TRANK1: variants seen among roughly 807,000 people sequenced by gnomAD.
TRANK1 encodes the protein TPR and ankyrin repeat-containing protein 1.
Under a neutral mutation model 266.0 loss-of-function variants are expected in TRANK1, and 198 were observed. The observed-to-expected ratio is 0.74, with a 90% CI of 0.66 to 0.84. The LOEUF (loss-of-function observed/expected upper bound fraction) is 0.84. Among genes scored for constraint, TRANK1 ranks in the 40% least tolerant of loss-of-function variants. The probability of loss-of-function intolerance (pLI) is 0.00; values close to 1 mark genes in which losing one functional copy is unlikely to be tolerated. For missense variants in TRANK1, 3,326 were observed against 3,634.6 expected, an observed-to-expected ratio of 0.92 and a Z score of 2.18; for synonymous variants, 1,396 against 1,384.1, an observed-to-expected ratio of 1.01 and a Z score of -0.19.
At chr3:36,942,482 CAAAAAAAAAA>C (rs565174922) in intron 1 of TRANK1, among the ~76,000 whole-genome samples, 2 of 79,946 alleles carry the variant, frequency 2.5e-5, no homozygotes, top group South Asian at 5.6e-4. Context: ...TCTTCTTCCT[CAAAAAAAAAA>C]AAAAAAAAAA....
chr3:36,874,434 C>T, intron 8 of TRANK1, 138 bp from the exon 9 acceptor site: 2 of 881,640 alleles, frequency 2.3e-6, no homozygotes, highest in South Asian at 1.9e-5. Context: ...GGAGCCTGCA[C>T]TGCTAGCCTC....
intron 17 of TRANK1, among the ~76,000 whole-genome samples, chr3:36,843,959 CA>C (rs1204640314): frequency 1.3e-5 from 2 of 152,088 alleles, no homozygotes; most frequent in African/African-American, 4.8e-5. Context: ...CATATTATCT[CA>C]AAATAGGGCC....
rs181021733 is a variant in TRANK1 at position 36,869,992 on chromosome 3, T to C, written c.1078+4134A>G. ...TCAGTAAAATCTTAGAAACAAAATG[T>C]ATGCATGTAACTCTATACAACTCTC... On this transcript the variant is annotated intron_variant, in intron 9 of 23. Transcript: ENST00000645898. 3.2e-3 allele frequency among the ~76,000 whole-genome samples: 488 copies of C among 152,348 alleles called. 1 individual carries two copies. The highest frequency in any genetic ancestry group is 0.011 in the African/African-American group (450 of 41,580).
chr3:36,834,742 G>C lies in TRANK1; in HGVS notation c.5663+20C>G. 1 of 1,604,154 alleles carries C rather than the reference G, an allele frequency of 6.2e-7. No homozygotes were observed. The highest frequency in any genetic ancestry group is 2.2e-5 in the East Asian group (1 of 44,532). On this transcript the variant is annotated intron_variant, in intron 21 of 23. Transcript: ENST00000645898. The stretch of plus-strand genomic sequence containing the variant: ...AGTGGGAGGAAGAGAGGGAGAAAGG[G>C]AGAGAATAAAACCACCTACTTTTCC...
At chr3:36,867,969 G>A (rs933294548) in intron 9 of TRANK1, among the ~76,000 whole-genome samples, 2 of 152,164 alleles carry the variant, frequency 1.3e-5, no homozygotes, top group South Asian at 2.1e-4. Context: ...AGATGTGTAC[G>A]ATAGGTGAAC....
In TRANK1 at chr3:36,879,872, A is replaced by G. The variant is rs1325274459; in HGVS notation, c.908-5576T>C. Among the ~76,000 whole-genome samples the G allele has an allele frequency of 3.9e-5, 4 of 103,818 alleles. 1 individual carries two copies. The East Asian group carries it at 1.4e-3, about 37-fold the overall frequency. The allele number at this position is 103,818 out of a possible 152,430, so 68.1% of individuals were successfully genotyped here. ...TGTAAATATACAAATATATGTAAAC[A>G]TACAAATATATGTAAACATGCAAAT... On this transcript the variant is annotated intron_variant, in intron 8 of 23. Coordinates refer to ENST00000645898, the MANE Select transcript of TRANK1 (RefSeq NM_001329998.2).
chr3:36,918,587 G>GA, intron 1 of TRANK1, among the ~76,000 whole-genome samples: 1 of 107,768 alleles, frequency 9.3e-6, no homozygotes, highest in African/African-American at 3.7e-5. Context: ...AGGAAGGAAG[G>GA]AAGGAAGGAA....
chr3:36,896,638 A>G (rs2079794420), intron 4 of TRANK1, among the ~76,000 whole-genome samples: 1 of 152,222 alleles, frequency 6.6e-6, no homozygotes, highest in South Asian at 2.1e-4. Flanking sequence ...GGCAGCCATC[A>G]AGAAGCAGTT....
intron 1 of TRANK1, among the ~76,000 whole-genome samples, chr3:36,940,055 T>C (rs1490011287): frequency 6.6e-6 from 1 of 151,908 alleles, no homozygotes; most frequent in Non-Finnish European, 1.5e-5. Context: ...CATGCCTGGC[T>C]AATTTTTTTA....
chr3:36,831,808 A>G lies in TRANK1; in HGVS notation c.7775T>C (p.Ile2592Thr). The G allele has an allele frequency of 6.2e-7, 1 of 1,613,876 alleles. No homozygotes were observed. Among genetic ancestry groups the G allele is most frequent in the South Asian group, 1.1e-5 (1 of 91,068 alleles). ...KPLLYRHFRE[I>T]ESRLQLMSMD... ...GCTCATGAGCTGCAGCCTTGACTCA[A>G]TCTCCCGGAAGTGGCGATACAGGAG... The change falls in exon 22 of 24, where the codon ATT (isoleucine) becomes ACT (threonine). Residue 2592 changes from isoleucine to threonine, a missense_variant. Physicochemically the swap from Ile to Thr is moderately conservative, Grantham distance 89. Transcript: ENST00000645898. The surrounding 1 kb of genome is among the most constrained non-coding windows in gnomAD (Gnocchi z 5.0).
intron 1 of TRANK1, among the ~76,000 whole-genome samples, chr3:36,930,086 C>T (rs996087687): frequency 6.6e-6 from 1 of 152,132 alleles, no homozygotes; most frequent in African/African-American, 2.4e-5. Context: ...CATGGTCAGG[C>T]TGGTCTCAAA....
intron 23 of TRANK1, 80 bp downstream of exon 23, chr3:36,829,484 C>A: frequency 6.9e-7 from 1 of 1,444,266 alleles, no homozygotes. Context: ...TGCCCCACTT[C>A]AGATTCCCCC....
rs1163075096 is a variant in TRANK1, at chr3:36,834,653, T to G, written c.5663+109A>C. On this transcript the variant is annotated intron_variant, in intron 21 of 23. Transcript: ENST00000645898. ...CATCGCTTAAGTGGAAAGGGAGCAA[T>G]GTGGTCAAACCATGTCAGAAGCAGC... 12 of 1,299,824 alleles carry G rather than the reference T, an allele frequency of 9.2e-6. No individual in the cohort carries two copies. In the East Asian group the frequency reaches 2.4e-4, roughly 26 times the overall value. 80.5% of individuals were successfully genotyped at this position (1,299,824 alleles called of 1,614,324 possible).
At chr3:36,921,180 G>A (rs2080208229) in intron 1 of TRANK1, among the ~76,000 whole-genome samples, 1 of 151,998 alleles carries the variant, frequency 6.6e-6, no homozygotes, top group Non-Finnish European at 1.5e-5. Context: ...CACCACTCTG[G>A]CTCATACTCC....
rs1282845918 is a variant in TRANK1, at chr3:36,832,177, C to T, written c.7406G>A (p.Arg2469His). ...QFIHCGVVLA[R>H]LWKNVILCLP... The stretch of plus-strand genomic sequence containing the variant: ...GCATAGAATGACATTCTTCCAGAGG[C>T]GGGCCAGCACCACCCCACAGTGGAT... Residue 2469 changes from arginine (R) to histidine (H), a missense_variant, in exon 22 of 24, where the codon CGC becomes CAC. By Grantham distance (29) the Arg-to-His change is conservative. Transcript: ENST00000645898. 8 of 1,613,812 alleles carry T rather than the reference C, an allele frequency of 5.0e-6. No homozygotes were observed. The highest frequency in any genetic ancestry group is 4.0e-5 in the African/African-American group (3 of 74,884).
intron 17 of TRANK1, among the ~76,000 whole-genome samples, chr3:36,844,749 G>A (rs1229295639): frequency 1.3e-5 from 2 of 151,940 alleles, no homozygotes; most frequent in African/African-American, 4.8e-5. Flanking sequence ...CATCACAATA[G>A]TCAAGTCTTA....
At chr3:36,910,677 T>C (rs1397622939) in intron 1 of TRANK1, among the ~76,000 whole-genome samples, 1 of 151,554 alleles carries the variant, frequency 6.6e-6, no homozygotes, top group African/African-American at 2.4e-5. Context: ...GAGGGAGAGG[T>C]TGCAGTGAGC....
intron 9 of TRANK1, among the ~76,000 whole-genome samples, chr3:36,869,374 A>T (rs747348373): frequency 1.2e-4 from 18 of 152,260 alleles, no homozygotes; most frequent in Non-Finnish European, 2.1e-4. Flanking sequence ...GGGGTACAGC[A>T]AACTTGAGGA....
chr3:36,853,559 C>T (rs1273207653), intron 13 of TRANK1, among the ~76,000 whole-genome samples: 1 of 152,164 alleles, frequency 6.6e-6, no homozygotes, highest in East Asian at 1.9e-4. Flanking sequence ...TATATATCTA[C>T]ATTAACAGGA....
Sources: allele counts gnomAD v4.1 joint callset (sites outside exome capture counted in the v4.1 genomes callset), GRCh38; gene constraint gnomAD v4.1.1; non-coding constraint Gnocchi (gnomAD v3.1); transcripts MANE v1.5; gene names NCBI Gene and HGNC (gene_info 2026-07-23, HGNC 2026-07-21).